The following TMEM240 variants were observed in gnomAD, a reference collection of about 807,000 sequenced individuals.
The protein encoded by TMEM240 is transmembrane protein C1orf70.
In TMEM240, 3 loss-of-function variants were observed where a neutral mutation model predicts 19.5. The ratio of observed to expected loss-of-function variants is 0.15; its 90% confidence interval spans 0.07 to 0.40. TMEM240 has a LOEUF of 0.40. Among genes scored for constraint, TMEM240 ranks in the 10% least tolerant of loss-of-function variants. The pLI, the probability that TMEM240 is intolerant of heterozygous loss-of-function variation, is 1.00. For synonymous variants in TMEM240, 123 were observed against 109.3 expected (o/e 1.13, Z -0.78); for missense variants, 210 against 253.5 (o/e 0.83, Z 1.17).
In TMEM240 at chr1:1,538,453, G is replaced by A. The variant is rs895766825; in HGVS notation, c.164+1231C>T. ...GAGCCCTCAGTGTGCTGCCACAGGC[G>A]GATGCACACGGCCCCAGCCCACGTG... On this transcript the variant is annotated intron_variant, in intron 2 of 3. Coordinates refer to ENST00000378733, the MANE Select transcript of TMEM240 (RefSeq NM_001114748.2). Among the ~76,000 whole-genome samples the A allele has an allele frequency of 3.9e-5, 6 of 152,356 alleles. No homozygotes were observed. In the East Asian group the frequency reaches 7.7e-4, roughly 20 times the overall value.
Position 1,540,406 on chromosome 1 carries a change from G to C in TMEM240, c.-60C>G. On this transcript the variant is annotated 5_prime_UTR_variant, in exon 1 of 4. Transcript: ENST00000378733. ...CCGGCCCCGGCGCCCCCCCGGCCCC[G>C]GCCCGATGCTGAGCCCCCGCCGCCT... 1 of 729,076 alleles carries C rather than the reference G, an allele frequency of 1.4e-6. No homozygotes were observed. The highest frequency in any genetic ancestry group is 1.7e-6 in the Non-Finnish European group (1 of 577,192). The allele number at this position is 729,076 out of a possible 1,614,324, so 45.2% of individuals were successfully genotyped here. A position where few individuals can be genotyped will look rare whatever the true frequency, so the allele number is the denominator to read the frequency against.
In TMEM240 at chr1:1,535,937, T is replaced by G. The variant is rs2100695833; in HGVS notation, c.165-140A>C. 15 of 390,034 alleles carry G rather than the reference T, an allele frequency of 3.8e-5. No homozygotes were observed. The highest frequency in any genetic ancestry group is 2.2e-4 in the East Asian group (3 of 13,478). 24.2% of individuals were successfully genotyped at this position (390,034 alleles called of 1,614,324 possible). ...TGAAGCAGCCTCTTGGGCGGGCGGG[T>G]CGGGAAGGGGGCACCAGACTCAACG... On this transcript the variant is annotated intron_variant, in intron 2 of 3. Transcript: ENST00000378733. This position sits in a 1 kb window ranked among gnomAD's most constrained non-coding sequence, Gnocchi z 8.2.
At position 1,535,268 on chromosome 1, in the gene TMEM240, C is replaced by G; in HGVS notation, c.*91G>C. ...GACAACCTGGGCCCAGGGCTGCTGTCCAGTCCCGCCGGCCCGGGCGTCCAC... is the reference window on the plus strand; with the variant it reads ...GACAACCTGGGCCCAGGGCTGCTGTGCAGTCCCGCCGGCCCGGGCGTCCAC... On this transcript the variant is annotated 3_prime_UTR_variant, in exon 4 of 4. Transcript: ENST00000378733. This position sits in a 1 kb window ranked among gnomAD's most constrained non-coding sequence, Gnocchi z 8.2. The G allele has an allele frequency of 6.9e-7, 1 of 1,447,694 alleles. No homozygotes were observed. Among genetic ancestry groups the G allele is most frequent in the Non-Finnish European group, 9.3e-7 (1 of 1,077,194 alleles). 89.7% of individuals were successfully genotyped at this position (1,447,694 alleles called of 1,614,324 possible).
At chr1:1,538,336 C>T (rs1048681354) in intron 2 of TMEM240, among the ~76,000 whole-genome samples, 5 of 152,364 alleles carry the variant, frequency 3.3e-5, no homozygotes, top group Middle Eastern at 3.4e-3. Flanking sequence ...CTTCAGCGTG[C>T]ACCCACCCGA....
rs896705840 is a variant in TMEM240 at position 1,536,984 on chromosome 1, C to T, written c.165-1187G>A. ...AGCCGAGACCCAGAGACCACCCCAC[C>T]CTCCACACCCCAACCAGAAGTACTT... On this transcript the variant is annotated intron_variant, in intron 2 of 3. Coordinates refer to ENST00000378733, the MANE Select transcript of TMEM240 (RefSeq NM_001114748.2). The surrounding 1 kb of genome is among the most constrained non-coding windows in gnomAD (Gnocchi z 5.4). 2.0e-5 allele frequency among the ~76,000 whole-genome samples: 3 copies of T among 152,126 alleles called. No homozygotes were observed. The highest frequency in any genetic ancestry group is 7.2e-5 in the African/African-American group (3 of 41,424).
chr1:1,538,013 C>T (rs1642248789), intron 2 of TMEM240, among the ~76,000 whole-genome samples: 1 of 152,212 alleles, frequency 6.6e-6, no homozygotes, highest in African/African-American at 2.4e-5. Flanking sequence ...AGCGTGTACA[C>T]ACAGGGAGCC....
Position 1,535,905 on chromosome 1 carries a change from GGTTCTCTGAAGCAGCCTCTT to G in TMEM240, c.165-128_165-109del. On this transcript the variant is annotated intron_variant, in intron 2 of 3. Transcript: ENST00000378733. The surrounding 1 kb of genome is among the most constrained non-coding windows in gnomAD (Gnocchi z 8.2). ...TGTGACCGCGTCAGGCCGCCCTGGG[GGTTCTCTGAAGCAGCCTCTT>G]GGGCGGGCGGGTCGGGAAGGGGGCA... The G allele has an allele frequency of 2.5e-6, 2 of 806,680 alleles. No homozygotes were observed. Among genetic ancestry groups the G allele is most frequent in the African/African-American group, 1.7e-5 (1 of 58,718 alleles). 50.0% of individuals were successfully genotyped at this position (806,680 alleles called of 1,614,324 possible).
Position 1,535,166 on chromosome 1 carries a change from A to G in TMEM240, c.*193T>C. On this transcript the variant is annotated 3_prime_UTR_variant, in exon 4 of 4. Coordinates refer to ENST00000378733, the MANE Select transcript of TMEM240 (RefSeq NM_001114748.2). The surrounding 1 kb of genome is among the most constrained non-coding windows in gnomAD (Gnocchi z 8.2). ...TCTCCCCTAACCCAACCCCCACCCTAGCCCACACCCCAACCCCCTTTATAA... is the reference window on the plus strand; with the variant it reads ...TCTCCCCTAACCCAACCCCCACCCTGGCCCACACCCCAACCCCCTTTATAA... 2.3e-6 allele frequency: 1 copy of G among 434,276 alleles called. No individual in the cohort carries two copies. The highest frequency in any genetic ancestry group is 4.1e-5 in the South Asian group (1 of 24,502). 26.9% of individuals were successfully genotyped at this position (434,276 alleles called of 1,614,324 possible). A position where few individuals can be genotyped will look rare whatever the true frequency, so the allele number is the denominator to read the frequency against.
rs922453662 is a variant in TMEM240 at position 1,535,409 on chromosome 1, C to T, written c.472G>A (p.Val158Met). The change falls in exon 4 of 4, where the codon GTG becomes ATG. Residue 158 changes from valine to methionine, a missense_variant. Physicochemically the swap from Val to Met is conservative, Grantham distance 21. Transcript: ENST00000378733. The surrounding 1 kb of genome is among the most constrained non-coding windows in gnomAD (Gnocchi z 8.2). ...CCATTGTGGTAGAGTTTCTGCTTCA[C>T]GTGTACCATGTTCCCGGCGGCCTCC... The part of the protein sequence containing the change: ...FEEAAGNMVH[V>M]KQKLYHNGHP... 31 of 1,549,800 alleles carry T rather than the reference C, an allele frequency of 2.0e-5. No individual in the cohort carries two copies. The highest frequency in any genetic ancestry group is 6.9e-5 in the African/African-American group (5 of 72,968).
In TMEM240 at chr1:1,539,728, C is replaced by T. The variant is rs1264235491; in HGVS notation, c.120G>A (p.Pro40=). ...LLDRFHNYIL[P]HLRGEDRVCH... ...AGACGCGGTCCTCGCCCCGCAGGTGCGGGAGGATGTAGTTGTGGAATCGGT... is the reference window on the plus strand; with the variant it reads ...AGACGCGGTCCTCGCCCCGCAGGTGTGGGAGGATGTAGTTGTGGAATCGGT... The change falls in exon 2 of 4, where the codon CCG becomes CCA. Residue 40 remains proline (P), a synonymous_variant. Transcript: ENST00000378733. The T allele has an allele frequency of 3.9e-6, 6 of 1,548,098 alleles. No individual in the cohort carries two copies. The highest frequency in any genetic ancestry group is 2.0e-4 in the Middle Eastern group (1 of 4,886).
Position 1,535,613 on chromosome 1 carries a change from C to CGCGCACG in TMEM240, c.342_348dup (p.Ala117ArgfsTer118). ...CCGTAGCGCCGTCCGGCTCTCCAGG[C>CGCGCACG]GCGCACGGCGCAGTGCAGGACGCCG... On this transcript the variant is annotated frameshift_variant, in exon 3 of 4. Transcript: ENST00000378733. LOFTEE classifies it high-confidence loss of function. This position sits in a 1 kb window ranked among gnomAD's most constrained non-coding sequence, Gnocchi z 8.2. 1.9e-6 allele frequency: 3 copies of CGCGCACG among 1,549,634 alleles called. No homozygotes were observed. Among genetic ancestry groups the CGCGCACG allele is most frequent in the Non-Finnish European group, 2.6e-6 (3 of 1,146,480 alleles).
At position 1,535,690 on chromosome 1, in the gene TMEM240, A is replaced by G. The variant is rs1642206457; in HGVS notation, c.272T>C (p.Met91Thr). The change falls in exon 3 of 4, where the codon ATG becomes ACG. Residue 91 changes from methionine (M) to threonine (T), a missense_variant. By Grantham distance (81) the Met-to-Thr change is moderately conservative. Around this residue, in one of 3 missense-constraint regions of TMEM240, gnomAD observed 157 missense variants for 168.2 expected, o/e 0.93. Transcript: ENST00000378733. The surrounding 1 kb of genome is among the most constrained non-coding windows in gnomAD (Gnocchi z 8.2). ...DSVTKQEIDLMLGLLLGFCIS... is the reference protein window; with the variant it reads ...DSVTKQEIDLTLGLLLGFCIS... ...GCAAAAGCCCAGCAGCAGCCCCAGCATGAGGTCGATCTCCTGCTTGGTCAC... is the reference window on the plus strand; with the variant it reads ...GCAAAAGCCCAGCAGCAGCCCCAGCGTGAGGTCGATCTCCTGCTTGGTCAC... 2 of 1,550,210 alleles carry G rather than the reference A, an allele frequency of 1.3e-6. No homozygotes were observed. The highest frequency in any genetic ancestry group is 8.7e-7 in the Non-Finnish European group (1 of 1,146,742).
chr1:1,539,741 T>C lies in TMEM240; in HGVS notation c.107A>G (p.Asn36Ser), dbSNP rs1188754567. 1 of 1,547,750 alleles carries C rather than the reference T, an allele frequency of 6.5e-7. No individual in the cohort carries two copies. The highest frequency in any genetic ancestry group is 2.5e-5 in the East Asian group (1 of 40,772). The part of the protein sequence containing the change: ...DMNALLDRFH[N>S]YILPHLRGED... The stretch of plus-strand genomic sequence containing the variant: ...GCCCCGCAGGTGCGGGAGGATGTAG[T>C]TGTGGAATCGGTCCAGCAGCGCGTT... Residue 36 changes from asparagine (N) to serine (S), a missense_variant, in exon 2 of 4, where the codon AAC becomes AGC. Coordinates refer to ENST00000378733, the MANE Select transcript of TMEM240 (RefSeq NM_001114748.2).
intron 2 of TMEM240, 192 bp downstream of exon 2, chr1:1,539,490 CGG>C (rs1642268639): frequency 1.7e-6 from 1 of 591,386 alleles, no homozygotes; most frequent in East Asian, 2.9e-5. Flanking sequence ...CCTCTAGGAA[CGG>C]CGTCCTAAAG....
intron 2 of TMEM240, 62 bp downstream of exon 2, chr1:1,539,622 G>T (rs966784113): frequency 2.0e-4 from 286 of 1,445,146 alleles, no homozygotes; most frequent in Non-Finnish European, 2.6e-4. Flanking sequence ...CCCGCGCCCC[G>T]AGTGGGCCCC....
intron 2 of TMEM240, among the ~76,000 whole-genome samples, chr1:1,538,410 G>A (rs750664042): frequency 6.6e-6 from 1 of 152,232 alleles, no homozygotes; most frequent in Non-Finnish European, 1.5e-5. Flanking sequence ...ACTCTAAGGC[G>A]CCTCTGCCTG....
chr1:1,535,881 G>A lies in TMEM240; in HGVS notation c.165-84C>T, dbSNP rs1557488287. On this transcript the variant is annotated intron_variant, in intron 2 of 3. Coordinates refer to ENST00000378733, the MANE Select transcript of TMEM240 (RefSeq NM_001114748.2). The surrounding 1 kb of genome is among the most constrained non-coding windows in gnomAD (Gnocchi z 8.2). ...GGGGCGCCTACCCCGTGGTGGGGGT[G>A]TGACCGCGTCAGGCCGCCCTGGGGG... 1.7e-6 allele frequency: 2 copies of A among 1,191,132 alleles called. No individual in the cohort carries two copies. Among genetic ancestry groups the A allele is most frequent in the South Asian group, 1.3e-5 (1 of 76,232 alleles). 73.8% of individuals were successfully genotyped at this position (1,191,132 alleles called of 1,614,324 possible).
chr1:1,535,261 C>T lies in TMEM240; in HGVS notation c.*98G>A. 1 of 1,404,898 alleles carries T rather than the reference C, an allele frequency of 7.1e-7. No individual in the cohort carries two copies. The highest frequency in any genetic ancestry group is 1.4e-5 in the South Asian group (1 of 70,764). 87.0% of individuals were successfully genotyped at this position (1,404,898 alleles called of 1,614,324 possible). On this transcript the variant is annotated 3_prime_UTR_variant, in exon 4 of 4. Coordinates refer to ENST00000378733, the MANE Select transcript of TMEM240 (RefSeq NM_001114748.2). The surrounding 1 kb of genome is among the most constrained non-coding windows in gnomAD (Gnocchi z 8.2). ...AGCCCCGGACAACCTGGGCCCAGGG[C>T]TGCTGTCCAGTCCCGCCGGCCCGGG...
Position 1,536,110 on chromosome 1 carries a change from C to A in TMEM240, c.165-313G>T, listed in dbSNP as rs559845431. On this transcript the variant is annotated intron_variant, in intron 2 of 3. Coordinates refer to ENST00000378733, the MANE Select transcript of TMEM240 (RefSeq NM_001114748.2). This position sits in a 1 kb window ranked among gnomAD's most constrained non-coding sequence, Gnocchi z 5.4. Reference sequence around the variant, plus strand: ...CCTCCTCCCTGAGGCCTGGAGCTCACGGGAAGGTGCTGCAGGTGGAAGAGG... The same window carrying A: ...CCTCCTCCCTGAGGCCTGGAGCTCAAGGGAAGGTGCTGCAGGTGGAAGAGG... Among the ~76,000 whole-genome samples, 10 of 152,084 alleles carry A rather than the reference C, an allele frequency of 6.6e-5. No individual in the cohort carries two copies. In the South Asian group the frequency reaches 1.9e-3, roughly 28 times the overall value.
Sources: gnomAD v4.1 joint callset for allele counts (sites outside exome capture counted in the v4.1 genomes callset) on GRCh38, gnomAD v4.1.1 for gene constraint, gnomAD v4.1.1 regional missense constraint, Gnocchi (gnomAD v3.1) non-coding constraint, MANE v1.5 for transcripts, NCBI Gene and HGNC (gene_info 2026-07-23, HGNC 2026-07-21) for gene names.